TECPR2: variants seen among roughly 807,000 people sequenced by gnomAD.
The protein encoded by TECPR2 is tectonin beta-propeller repeat-containing protein 2.
Under a neutral mutation model 138.1 loss-of-function variants are expected in TECPR2, and 65 were observed. The observed-to-expected ratio is 0.47, with a 90% CI of 0.39 to 0.58. TECPR2 has a LOEUF of 0.58. Ranked by LOEUF, TECPR2 falls within the 20% of genes least tolerant of loss-of-function variation. The pLI, the probability that TECPR2 is intolerant of heterozygous loss-of-function variation, is 0.00. For missense variants in TECPR2, 1,553 were observed against 1,824.5 expected (o/e 0.85, Z 2.71); for synonymous variants, 746 against 749.8 (o/e 0.99, Z 0.08).
intron 7 of TECPR2, among the ~76,000 whole-genome samples, chr14:102,431,565 A>G (rs943668395): frequency 3.9e-5 from 6 of 151,980 alleles, no homozygotes; most frequent in Non-Finnish European, 7.4e-5. Flanking sequence ...GATGGTCTTG[A>G]TCTCCTGACC....
chr14:102,392,639 A>T (rs966326238), intron 2 of TECPR2, among the ~76,000 whole-genome samples: 1 of 151,982 alleles, frequency 6.6e-6, no homozygotes, highest in Non-Finnish European at 1.5e-5. Context: ...CAGTGCTGTT[A>T]TGGCTTGTTT....
chr14:102,418,860 A>T (rs762894320), intron 5 of TECPR2, among the ~76,000 whole-genome samples: 3 of 152,048 alleles, frequency 2.0e-5, no homozygotes, highest in African/African-American at 4.8e-5. Context: ...TGTGAGAGGG[A>T]TGAGTTGGAG....
intron 8 of TECPR2, 149 bp downstream of exon 8, chr14:102,432,277 A>G: frequency 1.4e-6 from 1 of 726,968 alleles, no homozygotes; most frequent in Non-Finnish European, 2.1e-6. Flanking sequence ...TTACTGCAAA[A>G]TACTTCACAT....
At chr14:102,438,635 A>G (rs1889745861) in intron 10 of TECPR2, among the ~76,000 whole-genome samples, 1 of 152,156 alleles carries the variant, frequency 6.6e-6, no homozygotes, top group Admixed American at 6.5e-5. Context: ...TGTTAGATAT[A>G]TTCCAATTAT....
intron 17 of TECPR2, among the ~76,000 whole-genome samples, chr14:102,492,900 G>A (rs957425248): frequency 3.9e-5 from 6 of 152,244 alleles, no homozygotes; most frequent in East Asian, 1.9e-4. Flanking sequence ...GGCAGAGCCC[G>A]GAAGCGAGAG....
At chr14:102,496,787 ACATTCTG>A in intron 17 of TECPR2, 185 bp from the exon 18 acceptor site, 1 of 799,952 alleles carries the variant, frequency 1.3e-6, no homozygotes, top group East Asian at 2.7e-5. Flanking sequence ...GGCCCACCTG[ACATTCTG>A]GAGACAAGTG....
intron 13 of TECPR2, among the ~76,000 whole-genome samples, chr14:102,446,692 T>C (rs1889988968): frequency 6.6e-6 from 1 of 152,126 alleles, no homozygotes; most frequent in Admixed American, 6.5e-5. Flanking sequence ...TCCCAGCCAA[T>C]AGTATTCCTT....
At chr14:102,442,349 T>C (rs1889858318) in intron 11 of TECPR2, among the ~76,000 whole-genome samples, 1 of 152,238 alleles carries the variant, frequency 6.6e-6, no homozygotes, top group Non-Finnish European at 1.5e-5. Context: ...CACAGCTGGC[T>C]CTCTCCTAGC....
chr14:102,425,873 T>G (rs1889306889), intron 6 of TECPR2, among the ~76,000 whole-genome samples: 1 of 130,358 alleles, frequency 7.7e-6, no homozygotes, highest in Non-Finnish European at 1.6e-5. Context: ...CATGCCTGGT[T>G]TTTTTTTTTG....
rs978560571 is a variant in TECPR2 at position 102,419,046 on chromosome 14, C to T, written c.638+4253C>T. Among the ~76,000 whole-genome samples, 2 of 152,006 alleles carry T rather than the reference C, an allele frequency of 1.3e-5. No homozygotes were observed. Among genetic ancestry groups the T allele is most frequent in the East Asian group, 1.9e-4 (1 of 5,166 alleles). ...GGAGGCGGGTGGCGGGTGTACCTCT[C>T]GGGGAGCTGTGCGCTGGCAGCCACT... On this transcript the variant is annotated intron_variant, in intron 5 of 19. Coordinates refer to ENST00000359520, the MANE Select transcript of TECPR2 (RefSeq NM_014844.5). The surrounding 1 kb of genome is among the most constrained non-coding windows in gnomAD (Gnocchi z 4.8).
chr14:102,403,923 G>T (rs756069643), intron 2 of TECPR2, among the ~76,000 whole-genome samples: 3 of 152,056 alleles, frequency 2.0e-5, no homozygotes, highest in Admixed American at 1.3e-4. Context: ...TTGGAGACAG[G>T]GTCTTGCTCT....
At chr14:102,430,061 G>C (rs752174452) in intron 7 of TECPR2, among the ~76,000 whole-genome samples, 1 of 152,158 alleles carries the variant, frequency 6.6e-6, no homozygotes, top group East Asian at 1.9e-4. Context: ...CCACCTCCTG[G>C]GTTCAAACGA....
intron 17 of TECPR2, among the ~76,000 whole-genome samples, chr14:102,469,902 T>C (rs1042649417): frequency 6.6e-6 from 1 of 152,220 alleles, no homozygotes. Flanking sequence ...TGATGGAGTT[T>C]TATATGTTGA....
chr14:102,436,627 G>A (rs1348676492), intron 9 of TECPR2, among the ~76,000 whole-genome samples: 1 of 152,188 alleles, frequency 6.6e-6, no homozygotes, highest in Non-Finnish European at 1.5e-5. Context: ...GCCAAGGGTG[G>A]CCTTTTATTC....
intron 1 of TECPR2, among the ~76,000 whole-genome samples, chr14:102,372,833 T>A (rs1887540862): frequency 6.6e-6 from 1 of 151,864 alleles, no homozygotes; most frequent in South Asian, 2.1e-4. Context: ...GGCACAAGAA[T>A]CACTTGAACC....
At chr14:102,382,864 T>G (rs939958018) in intron 2 of TECPR2, among the ~76,000 whole-genome samples, 15 of 152,114 alleles carry the variant, frequency 9.9e-5, no homozygotes, top group Non-Finnish European at 2.9e-5. Context: ...GTTCAAGTGA[T>G]TCTTGCCTCA....
Position 102,385,732 on chromosome 14 carries a change from G to A in TECPR2, c.219+8792G>A, listed in dbSNP as rs188341642. Among the ~76,000 whole-genome samples, 271 of 151,838 alleles carry A rather than the reference G, an allele frequency of 1.8e-3. 2 individuals carry two copies. Among genetic ancestry groups the A allele is most frequent in the African/African-American group, 6.2e-3 (257 of 41,396 alleles). ...ACAGATAGCTTGAGCTCAGGAGTTCGAGACTAGCCTTGGCAATACAGCAAG... is the reference window on the plus strand; with the variant it reads ...ACAGATAGCTTGAGCTCAGGAGTTCAAGACTAGCCTTGGCAATACAGCAAG... On this transcript the variant is annotated intron_variant, in intron 2 of 19. Coordinates refer to ENST00000359520, the MANE Select transcript of TECPR2 (RefSeq NM_014844.5).
At chr14:102,488,215 T>C (rs914657977) in intron 17 of TECPR2, among the ~76,000 whole-genome samples, 6 of 151,856 alleles carry the variant, frequency 4.0e-5, no homozygotes. Context: ...TTTTTTTTTG[T>C]TTTTTTAGTA....
In TECPR2 at chr14:102,368,705, T is replaced by C. The variant is rs150105595; in HGVS notation, c.-73+5589T>C. On this transcript the variant is annotated intron_variant, in intron 1 of 19. Coordinates refer to ENST00000359520, the MANE Select transcript of TECPR2 (RefSeq NM_014844.5). The stretch of plus-strand genomic sequence containing the variant: ...GGAGCACAAGCGTTTTTCATTTCAG[T>C]GAAGTCAAAGAGCTAATTTTGATGG... Among the ~76,000 whole-genome samples, 426 of 152,258 alleles carry C rather than the reference T, an allele frequency of 2.8e-3. 2 individuals carry two copies. The highest frequency in any genetic ancestry group is 4.9e-3 in the Non-Finnish European group (335 of 68,014).
Sources: gnomAD v4.1 joint callset for allele counts (sites outside exome capture counted in the v4.1 genomes callset) on GRCh38, gnomAD v4.1.1 for gene constraint, Gnocchi (gnomAD v3.1) non-coding constraint, MANE v1.5 for transcripts, NCBI Gene and HGNC (gene_info 2026-07-23, HGNC 2026-07-21) for gene names.